CYP2J2: variants seen among roughly 807,000 people sequenced by gnomAD.
CYP2J2 encodes cytochrome P450 2J2.
A neutral mutation model predicts 48.8 loss-of-function variants in CYP2J2; 41 were observed. The ratio of observed to expected loss-of-function variants is 0.84; its 90% CI spans 0.66 to 1.09. CYP2J2 has a LOEUF of 1.09. Among genes scored for constraint, CYP2J2 ranks in the 50% least tolerant of loss-of-function variants. CYP2J2 has a pLI of 0.00. For synonymous variants in CYP2J2, 221 were observed against 227.1 expected, an observed-to-expected ratio of 0.97 and a Z score of 0.24; for missense variants, 644 against 617.3, an observed-to-expected ratio of 1.04 and a Z score of -0.46.
the CYP2J2 span, among the ~76,000 whole-genome samples, chr1:59,935,015 C>CATATATATATATAT: frequency 1.3e-4 from 6 of 47,506 alleles, no homozygotes; most frequent in Non-Finnish European, 1.7e-4. Flanking sequence ...TATATATATA[C>CATATATATATATAT]ATATATATAT....
At position 59,926,551 on chromosome 1, in the gene CYP2J2, G is replaced by A; in HGVS notation, c.196C>T (p.Leu66=). Residue 66 remains leucine (L), a synonymous_variant, in exon 1 of 9, where the codon CTG becomes TTG. Transcript: ENST00000371204. ...FFLVDFEQSH[L]EVQLFVKKYG... Reference sequence around the variant, plus strand: ...CCCACTCCTACCAGCTGAACCTCCAGGTGCGACTGCTCGAAGTCCACAAGG... The same window carrying A: ...CCCACTCCTACCAGCTGAACCTCCAAGTGCGACTGCTCGAAGTCCACAAGG... The A allele has an allele frequency of 6.2e-7, 1 of 1,614,052 alleles. No individual in the cohort carries two copies. The highest frequency in any genetic ancestry group is 8.5e-7 in the Non-Finnish European group (1 of 1,179,910).
chr1:59,909,905 A>C lies in CYP2J2; in HGVS notation c.740T>G (p.Leu247Arg), dbSNP rs1377459000. ...MKFLPGPHQT[L>R]FSNWKKLKLF... Reference sequence around the variant, plus strand: ...TTTCAGTTTTTTCCAGTTGCTGAAGAGAGTTTGGTGGGGTCCAGGCAGGAA... The same window carrying C: ...TTTCAGTTTTTTCCAGTTGCTGAAGCGAGTTTGGTGGGGTCCAGGCAGGAA... Residue 247 changes from leucine (L) to arginine (R), a missense_variant, in exon 5 of 9, where the codon CTC becomes CGC. Coordinates refer to ENST00000371204, the MANE Select transcript of CYP2J2 (RefSeq NM_000775.4). The C allele has an allele frequency of 1.2e-6, 2 of 1,612,208 alleles. No homozygotes were observed. The highest frequency in any genetic ancestry group is 1.7e-6 in the Non-Finnish European group (2 of 1,179,192).
At chr1:59,903,632 T>C (rs148059431) in intron 7 of CYP2J2, among the ~76,000 whole-genome samples, 1,604 of 151,782 alleles carry the variant, frequency 0.011, 28 homozygotes, top group African/African-American at 0.037. Flanking sequence ...AATATACCCT[T>C]GTAACGAGCC....
At chr1:59,968,400 T>C in the CYP2J2 span, among the ~76,000 whole-genome samples, 220 of 152,198 alleles carry the variant, frequency 1.4e-3, 1 homozygote, top group African/African-American at 5.0e-3. Flanking sequence ...TTGGTCCCAA[T>C]CTTCCCACAC....
chr1:59,954,451 G>C, the CYP2J2 span, among the ~76,000 whole-genome samples: 2 of 152,062 alleles, frequency 1.3e-5, no homozygotes, highest in East Asian at 1.9e-4. Context: ...CAGATGACAA[G>C]ACATACAAAT....
intron 4 of CYP2J2, among the ~76,000 whole-genome samples, 161 bp from the exon 5 acceptor site, chr1:59,910,121 A>T (rs1297751483): frequency 1.3e-5 from 2 of 152,272 alleles, no homozygotes; most frequent in East Asian, 3.9e-4. Flanking sequence ...CTAGCAAAAC[A>T]GTTCAGCTCT....
At chr1:59,958,835 G>A in the CYP2J2 span, among the ~76,000 whole-genome samples, 1 of 152,018 alleles carries the variant, frequency 6.6e-6, no homozygotes, top group Admixed American at 6.6e-5. Context: ...TTGTCTCTAT[G>A]TGAACAACCT....
chr1:59,930,982 T>C (rs560515012), upstream of CYP2J2, among the ~76,000 whole-genome samples: 8 of 152,186 alleles, frequency 5.3e-5, no homozygotes, highest in Non-Finnish European at 1.2e-4. Context: ...TTTGTAAATA[T>C]GTCTGGTTTC....
chr1:59,958,446 T>C, the CYP2J2 span, among the ~76,000 whole-genome samples: 1 of 152,190 alleles, frequency 6.6e-6, no homozygotes. Context: ...GTCATTTGGT[T>C]ACAGTTCTGT....
At position 59,893,812 on chromosome 1, in the gene CYP2J2, C is replaced by T. The variant is rs143299525; in HGVS notation, c.1348G>A (p.Gly450Arg). 2.8e-5 allele frequency: 45 copies of T among 1,605,598 alleles called. No individual in the cohort carries two copies. The highest frequency in any genetic ancestry group is 8.0e-5 in the African/African-American group (6 of 74,596). Residue 450 changes from glycine (G) to arginine (R), a missense_variant, in exon 9 of 9, where the codon GGA (glycine) becomes AGA (arginine). Coordinates refer to ENST00000371204, the MANE Select transcript of CYP2J2 (RefSeq NM_000775.4). ...AGCTCAGTCCTGGCCAACTGTTCTCCGAGGCATGCCCGCTTTCCTGTAAGA... is the reference window on the plus strand; with the variant it reads ...AGCTCAGTCCTGGCCAACTGTTCTCTGAGGCATGCCCGCTTTCCTGTAAGA... ...PFSIGKRACL[G>R]EQLARTELFI...
At chr1:59,943,607 A>G in the CYP2J2 span, among the ~76,000 whole-genome samples, 1 of 152,174 alleles carries the variant, frequency 6.6e-6, no homozygotes, top group Non-Finnish European at 1.5e-5. Context: ...AGTATATGCC[A>G]TGATTTTGGG....
chr1:59,952,895 A>G, the CYP2J2 span, among the ~76,000 whole-genome samples: 1 of 152,218 alleles, frequency 6.6e-6, no homozygotes, highest in African/African-American at 2.4e-5. Flanking sequence ...CAGTAGAATA[A>G]GCAAAATGAA....
At chr1:59,967,239 A>G in the CYP2J2 span, among the ~76,000 whole-genome samples, 1 of 152,174 alleles carries the variant, frequency 6.6e-6, no homozygotes, top group Non-Finnish European at 1.5e-5. Flanking sequence ...ATGTAATCAC[A>G]AGGGGTTTAT....
At chr1:59,919,427 G>C (rs1644493745) in intron 1 of CYP2J2, among the ~76,000 whole-genome samples, 1 of 152,226 alleles carries the variant, frequency 6.6e-6, no homozygotes, top group African/African-American at 2.4e-5. Context: ...ATGTGTGTGT[G>C]TGCACATGTG....
Position 59,904,934 on chromosome 1 carries a change from G to A in CYP2J2, c.1128C>T (p.Ile376=). ...TCACTTCCCTGGGAACGTTCAGGGG[G>A]ATGATGTTGCCCATTCTCTGCACCT... The part of the protein sequence containing the change: ...IHEVQRMGNI[I]PLNVPREVTV... Residue 376 remains isoleucine (I), a synonymous_variant, in exon 7 of 9, where the codon ATC becomes ATT. Coordinates refer to ENST00000371204, the MANE Select transcript of CYP2J2 (RefSeq NM_000775.4). 1 of 1,613,906 alleles carries A rather than the reference G, an allele frequency of 6.2e-7. No homozygotes were observed.
chr1:59,926,468 C>A (rs1447475892), intron 1 of CYP2J2, 69 bp downstream of exon 1: 1 of 1,402,518 alleles, frequency 7.1e-7, no homozygotes, highest in African/African-American at 1.4e-5. Flanking sequence ...CCCACGTTGC[C>A]GGAACGTCCC....
chr1:59,953,506 A>ATG, the CYP2J2 span, among the ~76,000 whole-genome samples: 6,367 of 150,400 alleles, frequency 0.042, 317 homozygotes, highest in African/African-American at 0.12. Flanking sequence ...CAGTGTGTAT[A>ATG]TGTGTGTGTG....
intron 5 of CYP2J2, among the ~76,000 whole-genome samples, chr1:59,908,668 C>T (rs537267306): frequency 2.0e-5 from 3 of 152,152 alleles, no homozygotes; most frequent in Non-Finnish European, 4.4e-5. Flanking sequence ...AAATGTCATA[C>T]CAATAAGGTG....
the CYP2J2 span, among the ~76,000 whole-genome samples, chr1:59,955,453 T>A: frequency 6.6e-6 from 1 of 151,902 alleles, no homozygotes; most frequent in South Asian, 2.1e-4. Flanking sequence ...CAGGCAAGAA[T>A]CATCAATGGA....
Sources: allele counts gnomAD v4.1 joint callset (sites outside exome capture counted in the v4.1 genomes callset), GRCh38; gene constraint gnomAD v4.1.1; transcripts MANE v1.5; gene names NCBI Gene and HGNC (gene_info 2026-07-23, HGNC 2026-07-21).